Variants in NEGR1 observed in about 807,000 individuals in gnomAD.
The protein encoded by NEGR1 is IgLON family member 4.
NEGR1 carries 10 observed loss-of-function variants against 40.9 expected under a neutral mutation model. The observed-to-expected ratio is 0.24, with a 90% CI of 0.15 to 0.42. NEGR1 has a LOEUF of 0.42. Ranked by LOEUF, NEGR1 falls within the 10% of genes least tolerant of loss-of-function variation. NEGR1 has a pLI of 1.00. For synonymous variants in NEGR1, 185 were observed against 166.8 expected (o/e 1.11, Z -0.84); for missense variants, 352 against 438.9 (o/e 0.80, Z 1.77).
chr1:72,011,285 A>G (rs918152413), intron 1 of NEGR1, among the ~76,000 whole-genome samples: 2 of 152,112 alleles, frequency 1.3e-5, no homozygotes, highest in Non-Finnish European at 2.9e-5. Flanking sequence ...AAGTGCCTGA[A>G]TAAGATGCAG....
chr1:71,500,351 T>C (rs534811176), intron 6 of NEGR1, among the ~76,000 whole-genome samples: 1 of 152,180 alleles, frequency 6.6e-6, no homozygotes, highest in Admixed American at 6.5e-5. Context: ...AATCACTTTC[T>C]TTATTTTATC....
intron 6 of NEGR1, among the ~76,000 whole-genome samples, chr1:71,521,898 AC>A (rs1490905839): frequency 1.3e-5 from 2 of 151,954 alleles, no homozygotes; most frequent in Non-Finnish European, 1.5e-5. Context: ...AGCATAGTTA[AC>A]ATGGGGGATG....
At chr1:71,661,706 C>T (rs1652060401) in intron 4 of NEGR1, among the ~76,000 whole-genome samples, 1 of 152,144 alleles carries the variant, frequency 6.6e-6, no homozygotes, top group Non-Finnish European at 1.5e-5. Flanking sequence ...TGATCTGATG[C>T]TAAGTTCTGT....
chr1:71,650,643 A>G lies in NEGR1; in HGVS notation c.668-39497T>C, dbSNP rs920347501. On this transcript the variant is annotated intron_variant, in intron 4 of 6. Transcript: ENST00000357731. Reference sequence around the variant, plus strand: ...TGTTTTCTTTTCTTTTTTGGTCTTGACTATTTCAAGAAAACTTTCTATCCA... The same window carrying G: ...TGTTTTCTTTTCTTTTTTGGTCTTGGCTATTTCAAGAAAACTTTCTATCCA... 6.2e-4 allele frequency among the ~76,000 whole-genome samples: 94 copies of G among 152,030 alleles called. 1 individual carries two copies. Among genetic ancestry groups the G allele is most frequent in the Non-Finnish European group, 2.5e-4 (17 of 67,978 alleles).
At chr1:71,597,472 C>CTCTCTG (rs756076229) in intron 5 of NEGR1, among the ~76,000 whole-genome samples, 18 of 31,330 alleles carry the variant, frequency 5.7e-4, no homozygotes, top group East Asian at 2.9e-3. Flanking sequence ...CTCTCTCTCT[C>CTCTCTG]TGTGTGTGTG....
intron 1 of NEGR1, among the ~76,000 whole-genome samples, chr1:72,129,721 T>C (rs1650170758): frequency 1.3e-5 from 2 of 152,184 alleles, no homozygotes; most frequent in South Asian, 4.1e-4. Flanking sequence ...TGAAAAGGAA[T>C]GGAAATAGGT....
chr1:72,023,681 C>A (rs1646780761), intron 1 of NEGR1, among the ~76,000 whole-genome samples: 1 of 148,190 alleles, frequency 6.7e-6, no homozygotes, highest in African/African-American at 2.5e-5. Context: ...AACACAAGAA[C>A]AATAATTACT....
At position 71,822,765 on chromosome 1, in the gene NEGR1, G is replaced by A. The variant is rs146558315; in HGVS notation, c.410-46468C>T. Among the ~76,000 whole-genome samples the A allele has an allele frequency of 3.3e-3, 500 of 152,088 alleles. 2 individuals are homozygous for A. The highest frequency in any genetic ancestry group is 0.011 in the African/African-American group (469 of 41,514). On this transcript the variant is annotated intron_variant, in intron 2 of 6. Transcript: ENST00000357731. ...AGTTCCACTATTAAAGGCTCACAGCGTGTTTGGGCCACTAGCATGGAATCC... is the reference window on the plus strand; with the variant it reads ...AGTTCCACTATTAAAGGCTCACAGCATGTTTGGGCCACTAGCATGGAATCC...
intron 2 of NEGR1, among the ~76,000 whole-genome samples, chr1:71,902,461 A>AT (rs1422235410): frequency 6.6e-6 from 1 of 152,188 alleles, no homozygotes; most frequent in African/African-American, 2.4e-5. Flanking sequence ...AGACACAAGT[A>AT]TTTTTATGAG....
chr1:72,205,733 C>A (rs1329167824), intron 1 of NEGR1, among the ~76,000 whole-genome samples: 1 of 78,012 alleles, frequency 1.3e-5, no homozygotes, highest in Non-Finnish European at 2.4e-5. Context: ...CCAGCCCGGG[C>A]AAATGGCAAA....
intron 5 of NEGR1, among the ~76,000 whole-genome samples, chr1:71,594,887 A>G (rs1199350367): frequency 6.6e-6 from 1 of 152,330 alleles, no homozygotes; most frequent in East Asian, 1.9e-4. Context: ...TCCCTAGACT[A>G]CTAAATCCCT....
chr1:71,650,724 T>C (rs1247290861), intron 4 of NEGR1, among the ~76,000 whole-genome samples: 2 of 152,172 alleles, frequency 1.3e-5, no homozygotes, highest in African/African-American at 2.4e-5. Context: ...ATAAATACAA[T>C]GTCATCACCA....
At chr1:72,256,065 C>A (rs1655262975) in intron 1 of NEGR1, among the ~76,000 whole-genome samples, 1 of 152,058 alleles carries the variant, frequency 6.6e-6, no homozygotes, top group African/African-American at 2.4e-5. Flanking sequence ...AATTGGAATC[C>A]AATTGCCTGG....
intron 5 of NEGR1, among the ~76,000 whole-genome samples, chr1:71,608,494 G>C (rs1415867417): frequency 1.8e-5 from 1 of 56,078 alleles, no homozygotes; most frequent in Non-Finnish European, 3.3e-5. Context: ...GATTACTGTA[G>C]CTTTTTTTTT....
rs562020155 is a variant in NEGR1, at chr1:71,962,560, T to A, written c.177-27249A>T. On this transcript the variant is annotated intron_variant, in intron 1 of 6. Transcript: ENST00000357731. ...ATGATATTACATTATAATGAAAATC[T>A]GCCCTAGTTGGCTCTATTCAATATA... Among the ~76,000 whole-genome samples the A allele has an allele frequency of 9.2e-5, 14 of 152,192 alleles. No individual in the cohort carries two copies. The East Asian group carries it at 1.7e-3, about 19-fold the overall frequency.
chr1:71,843,532 C>CT (rs1430381232), intron 2 of NEGR1, among the ~76,000 whole-genome samples: 13 of 152,096 alleles, frequency 8.5e-5, no homozygotes, highest in African/African-American at 3.1e-4. Flanking sequence ...TCTGTATCCT[C>CT]TATCTGTTCC....
intron 1 of NEGR1, among the ~76,000 whole-genome samples, chr1:72,001,644 A>G (rs560840035): frequency 2.7e-5 from 4 of 150,076 alleles, no homozygotes; most frequent in African/African-American, 9.8e-5. Context: ...GGGCAACTAG[A>G]TACCAGTTAA....
At chr1:71,579,600 A>G (rs1472255371) in intron 6 of NEGR1, among the ~76,000 whole-genome samples, 3 of 130,992 alleles carry the variant, frequency 2.3e-5, no homozygotes, top group African/African-American at 9.0e-5. Flanking sequence ...ACAACTACTT[A>G]AGATTTTTTT....
At position 71,830,209 on chromosome 1, in the gene NEGR1, ATCT is replaced by A. The variant is rs140127490; in HGVS notation, c.410-53915_410-53913del. 3.9e-3 allele frequency among the ~76,000 whole-genome samples: 598 copies of A among 152,024 alleles called. 3 individuals carry two copies. The highest frequency in any genetic ancestry group is 0.014 in the African/African-American group (563 of 41,522). ...AGTGTTACTGCAGTGTTACTTTTATATCTGACTCATTTATTTATTATTTCATTC... is the reference window on the plus strand; with the variant it reads ...AGTGTTACTGCAGTGTTACTTTTATAGACTCATTTATTTATTATTTCATTC... On this transcript the variant is annotated intron_variant, in intron 2 of 6. Coordinates refer to ENST00000357731, the MANE Select transcript of NEGR1 (RefSeq NM_173808.3).
Sources: gnomAD v4.1 joint callset for allele counts (sites outside exome capture counted in the v4.1 genomes callset) on GRCh38, gnomAD v4.1.1 for gene constraint, MANE v1.5 for transcripts, NCBI Gene and HGNC (gene_info 2026-07-23, HGNC 2026-07-21) for gene names.